Variants in PIR observed in about 807,000 individuals in gnomAD.
PIR encodes the protein pirin.
PIR carries 22 observed loss-of-function variants against 24.2 expected under a neutral mutation model. The ratio of observed to expected loss-of-function variants is 0.91; its 90% CI spans 0.65 to 1.30. The LOEUF is 1.30. Ranked by LOEUF, PIR falls within the 50% of genes most tolerant of loss-of-function variation. The probability of loss-of-function intolerance (pLI) is 0.00; values close to 1 mark genes in which losing one functional copy is unlikely to be tolerated. For synonymous variants in PIR, 80 were observed against 79.6 expected, an observed-to-expected ratio of 1.00 and a Z score of -0.03; for missense variants, 220 against 220.3, an observed-to-expected ratio of 1.00 and a Z score of 0.01.
intron 6 of PIR, among the ~76,000 whole-genome samples, chrX:15,424,521 T>C (rs1287514261): frequency 8.9e-6 from 1 of 112,259 alleles, no homozygotes. Context: ...CAACAATCTT[T>C]GTATATTTCC....
chrX:15,393,131 C>T (rs1389931224), intron 8 of PIR, among the ~76,000 whole-genome samples: 2 of 112,191 alleles, frequency 1.8e-5, no homozygotes, highest in African/African-American at 6.5e-5. Flanking sequence ...CTACTTCACC[C>T]CAACTAACGT....
chrX:15,399,065 G>T (rs527960689), intron 7 of PIR, among the ~76,000 whole-genome samples: 4 of 111,120 alleles, frequency 3.6e-5, no homozygotes, highest in African/African-American at 1.3e-4. Flanking sequence ...GTAGAGAGGG[G>T]GTGAGATTTG....
At position 15,399,328 on chromosome X, in the gene PIR, T is replaced by C. The variant is rs375610213; in HGVS notation, c.611-1797A>G. 2.7e-5 allele frequency among the ~76,000 whole-genome samples: 3 copies of C among 112,644 alleles called. No homozygotes were observed. In the East Asian group the frequency reaches 8.3e-4, roughly 31 times the overall value. ...AATTTGTGAATTTTGGACATATTTG[T>C]TGGAGTCCAAACAACTATATTTTCT... On this transcript the variant is annotated intron_variant, in intron 7 of 9. Coordinates refer to ENST00000380420, the MANE Select transcript of PIR (RefSeq NM_001018109.3).
At chrX:15,425,486 A>C (rs1232417849) in intron 6 of PIR, among the ~76,000 whole-genome samples, 1 of 99,285 alleles carries the variant, frequency 1.0e-5, no homozygotes, top group African/African-American at 3.9e-5. Flanking sequence ...ATCTCGGCTC[A>C]CTGCAACCTC....
chrX:15,443,109 G>T (rs2147048730), intron 5 of PIR, among the ~76,000 whole-genome samples: 1 of 111,948 alleles, frequency 8.9e-6, no homozygotes, highest in Non-Finnish European at 1.9e-5. Flanking sequence ...GGTTAATGCA[G>T]CTGGTGACTT....
At chrX:15,449,837 G>A (rs1225781386) in intron 5 of PIR, among the ~76,000 whole-genome samples, 2 of 111,803 alleles carry the variant, frequency 1.8e-5, no homozygotes, top group African/African-American at 6.5e-5. Flanking sequence ...ATGGAGTAAA[G>A]TTTAAAATAT....
chrX:15,410,819 C>G (rs1301847075), intron 6 of PIR, among the ~76,000 whole-genome samples: 2 of 112,227 alleles, frequency 1.8e-5, no homozygotes, highest in Non-Finnish European at 3.8e-5. Context: ...GAAATGAAGG[C>G]AATTTACTTT....
chrX:15,488,054 G>A (rs1010838284), intron 2 of PIR, among the ~76,000 whole-genome samples: 8 of 110,204 alleles, frequency 7.3e-5, no homozygotes, highest in South Asian at 7.8e-4. Context: ...CGAGGTGGGC[G>A]GATCACCTGA....
intron 5 of PIR, among the ~76,000 whole-genome samples, chrX:15,450,089 A>T (rs889264670): frequency 1.8e-5 from 2 of 112,266 alleles, no homozygotes; most frequent in African/African-American, 6.5e-5. Flanking sequence ...CAAAAGTAAA[A>T]ATTAAAAGAC....
At chrX:15,404,835 C>G (rs962041300) in intron 7 of PIR, among the ~76,000 whole-genome samples, 10 of 111,626 alleles carry the variant, frequency 9.0e-5, no homozygotes, top group Non-Finnish European at 1.3e-4. Context: ...CAGCCACTCA[C>G]TGGTTAAAGC....
intron 5 of PIR, among the ~76,000 whole-genome samples, chrX:15,441,415 C>T (rs1925910799): frequency 8.9e-6 from 1 of 111,737 alleles, no homozygotes; most frequent in Non-Finnish European, 1.9e-5. Flanking sequence ...TAACAAAAAA[C>T]TCTCCATATA....
chrX:15,491,344 A>G (rs1463454433), intron 1 of PIR, 35 bp from the exon 2 acceptor site: 2 of 572,318 alleles, frequency 3.5e-6, no homozygotes, highest in Non-Finnish European at 5.6e-6. Context: ...AAGAAGTCAT[A>G]AAGGAGGGAA....
intron 9 of PIR, 115 bp downstream of exon 9, chrX:15,390,070 G>T: frequency 2.9e-6 from 1 of 346,985 alleles, no homozygotes. Context: ...CAGATTTATA[G>T]ATGGAGAGAC....
chrX:15,410,386 G>A (rs1457321634), intron 6 of PIR, among the ~76,000 whole-genome samples: 1 of 112,106 alleles, frequency 8.9e-6, no homozygotes, highest in African/African-American at 3.2e-5. Flanking sequence ...CCATTGTAAG[G>A]ACATGTCATA....
chrX:15,473,807 G>A (rs775320710), intron 3 of PIR, among the ~76,000 whole-genome samples: 4 of 112,257 alleles, frequency 3.6e-5, no homozygotes, highest in Admixed American at 1.9e-4. Context: ...CGCCCGCCTC[G>A]GCCTCCCAGA....
At chrX:15,478,023 C>CCA (rs1555962083) in intron 3 of PIR, among the ~76,000 whole-genome samples, 7,312 of 102,641 alleles carry the variant, frequency 0.071, 548 homozygotes, top group East Asian at 0.51. Context: ...TTCCCCCCCC[C>CCA]CCAGAAAGCA....
chrX:15,480,171 A>G (rs1345705640), intron 2 of PIR, among the ~76,000 whole-genome samples: 1 of 37,577 alleles, frequency 2.7e-5, no homozygotes, highest in Non-Finnish European at 3.8e-5. Context: ...TCTCGGCACA[A>G]ACTCTTTTTT....
At chrX:15,450,384 C>CT (rs141433989) in intron 5 of PIR, among the ~76,000 whole-genome samples, 5 of 108,585 alleles carry the variant, frequency 4.6e-5, no homozygotes, top group Admixed American at 3.0e-4. Flanking sequence ...TGTTATTTTT[C>CT]TTTTTTTTTA....
At chrX:15,471,639 T>G (rs1019399607) in intron 3 of PIR, among the ~76,000 whole-genome samples, 3 of 111,704 alleles carry the variant, frequency 2.7e-5, no homozygotes, top group Non-Finnish European at 5.6e-5. Flanking sequence ...ACCTCCACTA[T>G]CCAGAGAGTC....
Sources: allele counts gnomAD v4.1 joint callset (sites outside exome capture counted in the v4.1 genomes callset), GRCh38; gene constraint gnomAD v4.1.1; transcripts MANE v1.5; gene names NCBI Gene and HGNC (gene_info 2026-07-23, HGNC 2026-07-21).